The following EYS variants were observed in gnomAD, a reference collection of about 807,000 sequenced individuals.
EYS encodes protein eyes shut homolog.
A neutral mutation model predicts 282.1 loss-of-function variants in EYS; 250 were observed. That is an observed-to-expected ratio of 0.89 (90% CI 0.80 to 0.98). The LOEUF (loss-of-function observed/expected upper bound fraction) is 0.98. EYS is among the 50% of genes least tolerant of loss of function. The pLI, the probability that EYS is intolerant of heterozygous loss-of-function variation, is 0.00. For synonymous variants in EYS, 1,355 were observed against 1,282.9 expected, an observed-to-expected ratio of 1.06 and a Z score of -1.20; for missense variants, 4,016 against 3,709.0, an observed-to-expected ratio of 1.08 and a Z score of -2.15.
chr6:65,333,970 C>T (rs957625311), intron 11 of EYS, among the ~76,000 whole-genome samples: 23 of 149,708 alleles, frequency 1.5e-4, no homozygotes, highest in Non-Finnish European at 2.8e-4. Flanking sequence ...AAGTGTCTTC[C>T]GTAAACCATA....
At chr6:64,889,105 T>C (rs1219770687) in intron 18 of EYS, among the ~76,000 whole-genome samples, 1 of 152,058 alleles carries the variant, frequency 6.6e-6, no homozygotes, top group Admixed American at 6.6e-5. Context: ...CAGTGATTTA[T>C]GATAATCACC....
intron 26 of EYS, among the ~76,000 whole-genome samples, chr6:64,551,048 T>A (rs559222926): frequency 2.6e-4 from 39 of 152,018 alleles, no homozygotes; most frequent in Admixed American, 9.2e-4. Flanking sequence ...ACACTTTTTC[T>A]ATTTTTAGGC....
At chr6:64,050,420 T>C (rs1770771550) in intron 33 of EYS, among the ~76,000 whole-genome samples, 1 of 152,200 alleles carries the variant, frequency 6.6e-6, no homozygotes, top group Non-Finnish European at 1.5e-5. Flanking sequence ...TCCCTTCTCC[T>C]CTTAACTAGA....
intron 12 of EYS, among the ~76,000 whole-genome samples, chr6:65,146,925 C>T (rs1436796682): frequency 6.6e-6 from 1 of 151,910 alleles, no homozygotes; most frequent in Non-Finnish European, 1.5e-5. Context: ...ACAATGGTGA[C>T]ATCATTTAAT....
intron 19 of EYS, among the ~76,000 whole-genome samples, chr6:64,883,035 G>A (rs1766970955): frequency 6.6e-6 from 1 of 151,400 alleles, no homozygotes; most frequent in Non-Finnish European, 1.5e-5. Flanking sequence ...TAGGATAAAT[G>A]GGGTATTTTA....
At chr6:64,929,889 C>A (rs1330258478) in intron 15 of EYS, among the ~76,000 whole-genome samples, 1 of 152,180 alleles carries the variant, frequency 6.6e-6, no homozygotes, top group South Asian at 2.1e-4. Flanking sequence ...AGATTTACTA[C>A]TTTTTAACAC....
At chr6:64,260,917 A>G (rs991980868) in intron 30 of EYS, among the ~76,000 whole-genome samples, 1 of 151,852 alleles carries the variant, frequency 6.6e-6, no homozygotes, top group Non-Finnish European at 1.5e-5. Flanking sequence ...TAATAGGTAT[A>G]TATATTTATG....
chr6:65,032,920 CT>C (rs76546014), intron 13 of EYS, among the ~76,000 whole-genome samples: 19,930 of 152,168 alleles, frequency 0.13, 1,434 homozygotes, highest in East Asian at 0.23. Context: ...GACCAAAATG[CT>C]GCTAATGACA....
intron 30 of EYS, among the ~76,000 whole-genome samples, chr6:64,262,169 T>A (rs1397368372): frequency 1.3e-5 from 2 of 152,194 alleles, no homozygotes; most frequent in Admixed American, 1.3e-4. Context: ...ATTTCAGAAG[T>A]GATTTTGTCA....
intron 31 of EYS, among the ~76,000 whole-genome samples, chr6:64,157,573 C>T (rs1339461032): frequency 6.6e-6 from 1 of 152,138 alleles, no homozygotes; most frequent in Non-Finnish European, 1.5e-5. Flanking sequence ...GTCCAGAGTC[C>T]CCATGCTGTG....
At chr6:64,128,186 G>A (rs566947506) in intron 31 of EYS, among the ~76,000 whole-genome samples, 1 of 152,226 alleles carries the variant, frequency 6.6e-6, no homozygotes, top group African/African-American at 2.4e-5. Flanking sequence ...TACCTGAGCA[G>A]TACGATCTTT....
intron 2 of EYS, among the ~76,000 whole-genome samples, chr6:65,549,056 C>A (rs575955089): frequency 1.3e-5 from 2 of 152,084 alleles, no homozygotes; most frequent in Admixed American, 6.5e-5. Context: ...GGCTCTAATG[C>A]GCCCCTGACC....
intron 30 of EYS, among the ~76,000 whole-genome samples, chr6:64,231,623 A>AT (rs1362573885): frequency 2.0e-5 from 3 of 152,192 alleles, no homozygotes; most frequent in African/African-American, 4.8e-5. Context: ...CGCCTGCATT[A>AT]TTTTTTGTCC....
At chr6:65,203,620 T>C (rs908412016) in intron 12 of EYS, among the ~76,000 whole-genome samples, 3 of 152,036 alleles carry the variant, frequency 2.0e-5, no homozygotes, top group African/African-American at 7.2e-5. Context: ...AATGACAGCA[T>C]CTACATATGA....
At chr6:65,153,415 T>TG (rs1764663135) in intron 12 of EYS, among the ~76,000 whole-genome samples, 1 of 134,706 alleles carries the variant, frequency 7.4e-6, no homozygotes, top group African/African-American at 2.9e-5. Context: ...GTGTGTGTGT[T>TG]AACCACTAAA....
chr6:63,746,406 C>T (rs1459181204), intron 41 of EYS, among the ~76,000 whole-genome samples: 1 of 152,092 alleles, frequency 6.6e-6, no homozygotes, highest in Non-Finnish European at 1.5e-5. Flanking sequence ...TGTGTCTCTG[C>T]CAGGCTTTGG....
intron 5 of EYS, among the ~76,000 whole-genome samples, chr6:65,439,064 T>C (rs1465056246): frequency 1.3e-5 from 2 of 152,196 alleles, no homozygotes; most frequent in African/African-American, 4.8e-5. Context: ...GTTTCAGCTT[T>C]CCACATATGG....
chr6:63,980,490 C>G (rs1767036034), intron 35 of EYS, among the ~76,000 whole-genome samples: 1 of 151,820 alleles, frequency 6.6e-6, no homozygotes, highest in South Asian at 2.1e-4. Flanking sequence ...GGTAAAAGGG[C>G]TTTCTTCCTG....
At chr6:65,122,290 A>G (rs553033395) in intron 12 of EYS, among the ~76,000 whole-genome samples, 9 of 152,218 alleles carry the variant, frequency 5.9e-5, no homozygotes, top group African/African-American at 2.2e-4. Context: ...CAAAAAGGGG[A>G]TTTGCCACAC....
Sources: allele counts gnomAD v4.1 joint callset (sites outside exome capture counted in the v4.1 genomes callset), GRCh38; gene constraint gnomAD v4.1.1; transcripts MANE v1.5; gene names NCBI Gene and HGNC (gene_info 2026-07-23, HGNC 2026-07-21).